The following SYPL2 variants were observed in gnomAD, a reference collection of about 807,000 sequenced individuals.
SYPL2 encodes the protein synaptophysin-like protein 2.
A neutral mutation model predicts 31.3 loss-of-function variants in SYPL2; 24 were observed. That is an observed-to-expected ratio of 0.77 (90% CI 0.56 to 1.08). The LOEUF is 1.08. Among genes scored for constraint, SYPL2 ranks in the 50% least tolerant of loss-of-function variants. The pLI, the probability that SYPL2 is intolerant of heterozygous loss-of-function variation, is 0.00. For missense variants in SYPL2, 342 were observed against 360.1 expected (o/e 0.95, Z 0.41); for synonymous variants, 144 against 143.1 (o/e 1.01, Z -0.05).
Position 109,477,034 on chromosome 1 carries a change from T to C in SYPL2, c.456+57T>C, listed in dbSNP as rs906568142. Reference sequence around the variant, plus strand: ...GGAGAAACAGATGTTTGTGAGGGGGTTGAGGTCAGAACTGGAGCAGAGGAC... The same window carrying C: ...GGAGAAACAGATGTTTGTGAGGGGGCTGAGGTCAGAACTGGAGCAGAGGAC... On this transcript the variant is annotated intron_variant, in intron 4 of 5. Transcript: ENST00000369872. 10 of 1,602,108 alleles carry C rather than the reference T, an allele frequency of 6.2e-6. No homozygotes were observed. In the African/African-American group the frequency reaches 8.0e-5, roughly 13 times the overall value.
chr1:109,474,841 A>G (rs192011152), intron 2 of SYPL2, among the ~76,000 whole-genome samples: 1 of 152,354 alleles, frequency 6.6e-6, no homozygotes, highest in Non-Finnish European at 1.5e-5. Context: ...AAAGGGAAAT[A>G]CCAGTGGGGA....
chr1:109,471,238 C>G (rs937278021), intron 2 of SYPL2, among the ~76,000 whole-genome samples: 1 of 152,138 alleles, frequency 6.6e-6, no homozygotes, highest in Non-Finnish European at 1.5e-5. Flanking sequence ...TTCTGTGAAC[C>G]TGTGATTCCC....
chr1:109,473,121 G>A (rs1472862525), intron 2 of SYPL2, among the ~76,000 whole-genome samples: 1 of 152,170 alleles, frequency 6.6e-6, no homozygotes, highest in African/African-American at 2.4e-5. Context: ...GAATTCCTAT[G>A]AGGAAGAGTT....
chr1:109,471,110 T>A (rs1035702613), intron 2 of SYPL2, among the ~76,000 whole-genome samples: 17 of 152,190 alleles, frequency 1.1e-4, no homozygotes, highest in African/African-American at 3.9e-4. Flanking sequence ...AGCCTGGCTC[T>A]CACATTAACT....
Position 109,466,767 on chromosome 1 carries a change from C to A in SYPL2, c.-77C>A. 1 of 1,419,282 alleles carries A rather than the reference C, an allele frequency of 7.0e-7. No homozygotes were observed. 87.9% of individuals were successfully genotyped at this position (1,419,282 alleles called of 1,614,324 possible). On this transcript the variant is annotated 5_prime_UTR_variant, in exon 1 of 6. Transcript: ENST00000369872. ...GCTCTGCCCCGGACCTGCAGCTCCC[C>A]GCTCCCCCGCCGTGTCCGCCGCCTC...
chr1:109,479,452 A>ACAGGGC lies in SYPL2; in HGVS notation c.734_739dup (p.Gly245_Gln246dup), dbSNP rs201507882. 17,480 of 1,614,072 alleles carry ACAGGGC rather than the reference A, an allele frequency of 0.011. 124 individuals are homozygous for ACAGGGC. The highest frequency in any genetic ancestry group is 0.015 in the Middle Eastern group (88 of 6,062). On this transcript the variant is annotated inframe_insertion, in exon 6 of 6. Coordinates refer to ENST00000369872, the MANE Select transcript of SYPL2 (RefSeq NM_001040709.2). ...TGTTCAAGGAGACCCCGTGGCATGG[A>ACAGGGC]CAGGGCCAGGGCCAGGACCAGGACC...
chr1:109,467,833 G>C (rs1015752630), intron 2 of SYPL2, among the ~76,000 whole-genome samples: 1 of 152,206 alleles, frequency 6.6e-6, no homozygotes, highest in South Asian at 2.1e-4. Context: ...CTGGGATCCA[G>C]ACCTAGACTG....
rs748098935 is a variant in SYPL2 at position 109,478,030 on chromosome 1, A to G, written c.648+21A>G. The G allele has an allele frequency of 1.2e-6, 2 of 1,613,038 alleles. No homozygotes were observed. Among genetic ancestry groups the G allele is most frequent in the Non-Finnish European group, 1.7e-6 (2 of 1,179,780 alleles). ...CCGTGGTGAGACCTGTGGCCACTGC[A>G]GGAAGCAGCACCAGCCCTGCTGCCC... On this transcript the variant is annotated intron_variant, in intron 5 of 5. Transcript: ENST00000369872. The surrounding 1 kb of genome is among the most constrained non-coding windows in gnomAD (Gnocchi z 4.0).
In SYPL2 at chr1:109,467,106, G is replaced by T; in HGVS notation, c.102G>T (p.Pro34=). Residue 34 remains proline, a synonymous_variant, in exon 2 of 6, where the codon CCG becomes CCT. Transcript: ENST00000369872. ...VGLRWRRLEE[P]LGFIKVLQWL... ...TGCGCTGGCGGCGGCTGGAGGAGCC[G>T]CTGGGCTTCATCAAAGTTCTCCAGT... is the stretch of plus-strand genomic sequence containing the variant. 3 of 1,544,564 alleles carry T rather than the reference G, an allele frequency of 1.9e-6. No homozygotes were observed. The highest frequency in any genetic ancestry group is 1.4e-5 in the African/African-American group (1 of 73,082).
intron 2 of SYPL2, among the ~76,000 whole-genome samples, chr1:109,470,807 C>A (rs1455353452): frequency 2.0e-5 from 3 of 152,140 alleles, no homozygotes; most frequent in African/African-American, 7.2e-5. Flanking sequence ...AGCTTCTGCA[C>A]CCCAAGGCAC....
Position 109,477,871 on chromosome 1 carries a change from C to G in SYPL2, c.510C>G (p.Ala170=), listed in dbSNP as rs779782527. ...FTFFWLVAAA[A]WGKGLTDVKG... ...TCTTCTGGCTGGTAGCTGCAGCTGC[C>G]TGGGGCAAGGGCCTGACCGATGTCA... Residue 170 remains alanine (A), a synonymous_variant, in exon 5 of 6, where the codon GCC becomes GCG. Coordinates refer to ENST00000369872, the MANE Select transcript of SYPL2 (RefSeq NM_001040709.2). 3.7e-6 allele frequency: 6 copies of G among 1,613,904 alleles called. No individual in the cohort carries two copies. The highest frequency in any genetic ancestry group is 5.1e-6 in the Non-Finnish European group (6 of 1,179,868).
chr1:109,470,052 GA>G (rs1215127908), intron 2 of SYPL2, among the ~76,000 whole-genome samples: 2 of 151,596 alleles, frequency 1.3e-5, no homozygotes, highest in Non-Finnish European at 2.9e-5. Context: ...GCAGTGGTAC[GA>G]ACACATCTCA....
In SYPL2 at chr1:109,466,622, A is replaced by G; in HGVS notation, c.-222A>G. On this transcript the variant is annotated 5_prime_UTR_variant, in exon 1 of 6. Transcript: ENST00000369872. ...GGGGGCTTTCTGCTGCCGGCGGGGCACCGCGGCGGCCGCAGCCTCTGAGAG... is the reference window on the plus strand; with the variant it reads ...GGGGGCTTTCTGCTGCCGGCGGGGCGCCGCGGCGGCCGCAGCCTCTGAGAG... 2 of 412,684 alleles carry G rather than the reference A, an allele frequency of 4.8e-6. No individual in the cohort carries two copies. The highest frequency in any genetic ancestry group is 7.9e-5 in the East Asian group (2 of 25,224). The allele number at this position is 412,684 out of a possible 1,614,324, so 25.6% of individuals were successfully genotyped here. A position where few individuals can be genotyped will look rare whatever the true frequency, so the allele number is the denominator to read the frequency against.
intron 2 of SYPL2, 49 bp downstream of exon 2, chr1:109,467,182 C>T (rs1655675022): frequency 1.4e-6 from 2 of 1,452,932 alleles, no homozygotes; most frequent in Admixed American, 2.1e-5. Flanking sequence ...TGGGCTGTGA[C>T]GCTGACCTGA....
At chr1:109,477,770 A>G (rs780728104) in intron 4 of SYPL2, 48 bp from the exon 5 acceptor site, 9 of 1,544,208 alleles carry the variant, frequency 5.8e-6, no homozygotes, top group Non-Finnish European at 6.1e-6. Flanking sequence ...AAGCAAGGGA[A>G]TCATGGGGCC....
chr1:109,467,277 G>A, intron 2 of SYPL2, 144 bp downstream of exon 2: 1 of 572,496 alleles, frequency 1.7e-6, no homozygotes, highest in East Asian at 3.3e-5. Context: ...GTGGGCGGGG[G>A]AGGGGCGGGC....
At chr1:109,472,519 T>C (rs558386172) in intron 2 of SYPL2, among the ~76,000 whole-genome samples, 1 of 152,146 alleles carries the variant, frequency 6.6e-6, no homozygotes, top group Non-Finnish European at 1.5e-5. Context: ...CAGGAGTGCC[T>C]TTCAGGAGAG....
intron 5 of SYPL2, among the ~76,000 whole-genome samples, chr1:109,479,071 C>T (rs1656086865): frequency 6.6e-6 from 1 of 152,244 alleles, no homozygotes; most frequent in African/African-American, 2.4e-5. Flanking sequence ...CGCCCCAGGG[C>T]TGACTTTTGC....
At position 109,466,766 on chromosome 1, in the gene SYPL2, C is replaced by A; in HGVS notation, c.-78C>A. The A allele has an allele frequency of 3.5e-6, 5 of 1,418,146 alleles. No individual in the cohort carries two copies. The highest frequency in any genetic ancestry group is 4.6e-6 in the Non-Finnish European group (5 of 1,090,182). The allele number at this position is 1,418,146 out of a possible 1,614,324, so 87.8% of individuals were successfully genotyped here. A position where few individuals can be genotyped will look rare whatever the true frequency, so the allele number is the denominator to read the frequency against. ...TGCTCTGCCCCGGACCTGCAGCTCCCCGCTCCCCCGCCGTGTCCGCCGCCT... is the reference window on the plus strand; with the variant it reads ...TGCTCTGCCCCGGACCTGCAGCTCCACGCTCCCCCGCCGTGTCCGCCGCCT... On this transcript the variant is annotated 5_prime_UTR_variant, in exon 1 of 6. Transcript: ENST00000369872.
Sources: allele counts gnomAD v4.1 joint callset (sites outside exome capture counted in the v4.1 genomes callset), GRCh38; gene constraint gnomAD v4.1.1; non-coding constraint Gnocchi (gnomAD v3.1); transcripts MANE v1.5; gene names NCBI Gene and HGNC (gene_info 2026-07-23, HGNC 2026-07-21).